MYO7B: variants seen among roughly 807,000 people sequenced by gnomAD.
The protein encoded by MYO7B is unconventional myosin-VIIb.
MYO7B carries 212 observed loss-of-function variants against 259.7 expected under a neutral mutation model. The observed-to-expected ratio is 0.82, with a 90% CI of 0.73 to 0.91. MYO7B has a LOEUF of 0.91. MYO7B is among the 40% of genes least tolerant of loss of function. The probability of loss-of-function intolerance (pLI) is 0.00; values close to 1 mark genes in which losing one functional copy is unlikely to be tolerated. For missense variants in MYO7B, 2,732 were observed against 2,813.5 expected (o/e 0.97, Z 0.66); for synonymous variants, 1,197 against 1,166.4 (o/e 1.03, Z -0.54).
chr2:127,635,034 G>T, intron 42 of MYO7B, 86 bp from the exon 43 acceptor site: 1 of 1,053,824 alleles, frequency 9.5e-7, no homozygotes, highest in Non-Finnish European at 1.4e-6. Context: ...CAGGGAGGTG[G>T]CAGGCGCAGT....
chr2:127,631,954 C>T (rs1316608108), intron 38 of MYO7B, among the ~76,000 whole-genome samples: 3 of 152,242 alleles, frequency 2.0e-5, no homozygotes, highest in African/African-American at 7.2e-5. Context: ...GAGAGGATGG[C>T]CCTGCCCACT....
At chr2:127,553,097 A>C (rs1693511078) in intron 1 of MYO7B, among the ~76,000 whole-genome samples, 1 of 152,210 alleles carries the variant, frequency 6.6e-6, no homozygotes, top group East Asian at 1.9e-4. Flanking sequence ...CCGTTGTCAA[A>C]GTCACATCCT....
chr2:127,627,393 G>C lies in MYO7B; in HGVS notation c.4460+83G>C. On this transcript the variant is annotated intron_variant, in intron 33 of 47. Transcript: ENST00000409816. This position sits in a 1 kb window ranked among gnomAD's most constrained non-coding sequence, Gnocchi z 5.6. ...GGGCTCGGGGAGAGATGGGGAGAGG[G>C]GCAGTGTGCCGTCCCGGGTAACAGG... 1 of 1,522,736 alleles carries C rather than the reference G, an allele frequency of 6.6e-7. No individual in the cohort carries two copies. Among genetic ancestry groups the C allele is most frequent in the South Asian group, 1.2e-5 (1 of 84,270 alleles). The allele number at this position is 1,522,736 out of a possible 1,614,324, so 94.3% of individuals were successfully genotyped here.
At chr2:127,544,882 G>A (rs889027317) in intron 1 of MYO7B, among the ~76,000 whole-genome samples, 25 of 147,376 alleles carry the variant, frequency 1.7e-4, no homozygotes, top group African/African-American at 5.9e-4. Flanking sequence ...GCCCGGCCAC[G>A]TCTGGCTAAT....
chr2:127,602,511 G>T (rs112367911), intron 19 of MYO7B, among the ~76,000 whole-genome samples: 8 of 151,986 alleles, frequency 5.3e-5, no homozygotes, highest in African/African-American at 1.9e-4. Flanking sequence ...AATTATCTGG[G>T]CATGGTGGTG....
Position 127,564,210 on chromosome 2 carries a change from G to C in MYO7B, c.76G>C (p.Gly26Arg). 1.3e-6 allele frequency: 2 copies of C among 1,580,838 alleles called. No homozygotes were observed. Among genetic ancestry groups the C allele is most frequent in the Non-Finnish European group, 1.7e-6 (2 of 1,163,778 alleles). The change falls in exon 3 of 48, where the codon GGC becomes CGC. Residue 26 changes from glycine to arginine, a missense_variant. Gly to Arg is a moderately radical substitution (Grantham distance 125). This residue lies in a region of MYO7B where 1,906 missense variants were observed against 2,026.4 expected (regional missense o/e 0.94). Transcript: ENST00000409816. ...STHKTGVAIG[G>R]IIKEAKPGKV... The stretch of plus-strand genomic sequence containing the variant: ...CCACAAGACCGGCGTGGCCATCGGG[G>C]GCATCATCAAAGAGGCAAAGCCAGG...
chr2:127,601,774 T>A (rs1425129105), intron 19 of MYO7B, among the ~76,000 whole-genome samples: 1 of 152,234 alleles, frequency 6.6e-6, no homozygotes, highest in Non-Finnish European at 1.5e-5. Flanking sequence ...TTGGCATACA[T>A]TAAATTCTCC....
At chr2:127,583,340 G>T (rs1258030474) in intron 12 of MYO7B, among the ~76,000 whole-genome samples, 13 of 152,248 alleles carry the variant, frequency 8.5e-5, no homozygotes, top group Non-Finnish European at 1.5e-5. Flanking sequence ...AGCACGCTGG[G>T]ATCTCAGCCC....
Position 127,586,686 on chromosome 2 carries a change from C to A in MYO7B, c.1691-1706C>A, listed in dbSNP as rs1296089374. Among the ~76,000 whole-genome samples, 2 of 152,196 alleles carry A rather than the reference C, an allele frequency of 1.3e-5. No individual in the cohort carries two copies. The highest frequency in any genetic ancestry group is 2.4e-5 in the African/African-American group (1 of 41,450). ...ATTTTTTGAAATGATAGGAAACTTA[C>A]ATAATGCTAAGATTAAGGTCGATTC... On this transcript the variant is annotated intron_variant, in intron 14 of 47. Coordinates refer to ENST00000409816, the MANE Select transcript of MYO7B (RefSeq NM_001393586.1). The surrounding 1 kb of genome is among the most constrained non-coding windows in gnomAD (Gnocchi z 4.8).
rs1351055713 is a variant in MYO7B, at chr2:127,628,173, C to T, written c.4461-199C>T. On this transcript the variant is annotated intron_variant, in intron 33 of 47. Coordinates refer to ENST00000409816, the MANE Select transcript of MYO7B (RefSeq NM_001393586.1). The surrounding 1 kb of genome is among the most constrained non-coding windows in gnomAD (Gnocchi z 4.8). ...CACACATGGGCTGCACCACTCTCAG[C>T]CTCCGAGAGGTCCTGTGCTCCGCCG... The T allele has an allele frequency of 1.4e-6, 1 of 719,448 alleles. No homozygotes were observed. Among genetic ancestry groups the T allele is most frequent in the Non-Finnish European group, 2.5e-6 (1 of 405,258 alleles). The allele number at this position is 719,448 out of a possible 1,614,324, so 44.6% of individuals were successfully genotyped here.
In MYO7B at chr2:127,585,990, A is replaced by G. The variant is rs142566709; in HGVS notation, c.1690+1077A>G. Among the ~76,000 whole-genome samples the G allele has an allele frequency of 1.3e-5, 2 of 152,130 alleles. 1 individual carries two copies. Among genetic ancestry groups the G allele is most frequent in the African/African-American group, 4.8e-5 (2 of 41,434 alleles). On this transcript the variant is annotated intron_variant, in intron 14 of 47. Transcript: ENST00000409816. The surrounding 1 kb of genome is among the most constrained non-coding windows in gnomAD (Gnocchi z 4.3). ...TACAAGTACCTAATAGGTGATTTTA[A>G]ATTTTTTTCTCATTCTGTGGATTGT...
intron 19 of MYO7B, among the ~76,000 whole-genome samples, chr2:127,604,134 A>G (rs573351284): frequency 6.6e-6 from 1 of 152,290 alleles, no homozygotes; most frequent in African/African-American, 2.4e-5. Context: ...CTCCATCTCA[A>G]AAAAAAGAAA....
In MYO7B at chr2:127,609,801, C is replaced by T; in HGVS notation, c.3025-48C>T. On this transcript the variant is annotated intron_variant, in intron 23 of 47. Coordinates refer to ENST00000409816, the MANE Select transcript of MYO7B (RefSeq NM_001393586.1). The surrounding 1 kb of genome is among the most constrained non-coding windows in gnomAD (Gnocchi z 6.9). Reference sequence around the variant, plus strand: ...TGGCTCGGGGAAAGAAGGAAGGGGCCATAGTCACTGATGGGTTCCCACTGG... The same window carrying T: ...TGGCTCGGGGAAAGAAGGAAGGGGCTATAGTCACTGATGGGTTCCCACTGG... The T allele has an allele frequency of 6.2e-7, 1 of 1,612,544 alleles. No individual in the cohort carries two copies. Among genetic ancestry groups the T allele is most frequent in the Non-Finnish European group, 8.5e-7 (1 of 1,178,740 alleles).
Position 127,539,826 on chromosome 2 carries a change from C to T in MYO7B, c.-24+3995C>T, listed in dbSNP as rs538701841. ...CCAATGTGTAGTCTTTTGTTGCTCACCCAGCTCCAGCCTTCCCCCGAAAGT... is the reference window on the plus strand; with the variant it reads ...CCAATGTGTAGTCTTTTGTTGCTCATCCAGCTCCAGCCTTCCCCCGAAAGT... On this transcript the variant is annotated intron_variant, in intron 1 of 47. Transcript: ENST00000409816. The surrounding 1 kb of genome is among the most constrained non-coding windows in gnomAD (Gnocchi z 4.0). Among the ~76,000 whole-genome samples the T allele has an allele frequency of 6.6e-6, 1 of 152,242 alleles. No homozygotes were observed. Among genetic ancestry groups the T allele is most frequent in the East Asian group, 1.9e-4 (1 of 5,204 alleles).
rs151103614 is a variant in MYO7B at position 127,558,903 on chromosome 2, G to A, written c.-23-797G>A. ...TGGGGACTCGGGGAAAGGGAGGGAA[G>A]GGGGTGAGGAATGAAAGACTACAAA... On this transcript the variant is annotated intron_variant, in intron 1 of 47. Coordinates refer to ENST00000409816, the MANE Select transcript of MYO7B (RefSeq NM_001393586.1). Among the ~76,000 whole-genome samples, 21 of 152,288 alleles carry A rather than the reference G, an allele frequency of 1.4e-4. 2 individuals carry two copies. The East Asian group carries it at 3.7e-3, about 27-fold the overall frequency.
rs752036409 is a variant in MYO7B at position 127,609,658 on chromosome 2, C to T, written c.2967C>T (p.His989=). 6.2e-7 allele frequency: 1 copy of T among 1,614,026 alleles called. No individual in the cohort carries two copies. The highest frequency in any genetic ancestry group is 8.5e-7 in the Non-Finnish European group (1 of 1,179,898). The change falls in exon 23 of 48, where the codon CAC becomes CAT. Residue 989 remains histidine, a synonymous_variant. Transcript: ENST00000409816. This position sits in a 1 kb window ranked among gnomAD's most constrained non-coding sequence, Gnocchi z 6.9. ...TYFQKSASHT[H]IRRPLRYPLL... ...TCCAGAAATCAGCCAGCCACACACACATCCGGCGGCCCCTCCGATACCCGT... is the reference window on the plus strand; with the variant it reads ...TCCAGAAATCAGCCAGCCACACACATATCCGGCGGCCCCTCCGATACCCGT...
At chr2:127,591,511 A>G (rs1249697304) in intron 16 of MYO7B, among the ~76,000 whole-genome samples, 1 of 152,194 alleles carries the variant, frequency 6.6e-6, no homozygotes, top group African/African-American at 2.4e-5. Context: ...TTTAAGTTGG[A>G]GCCAATCACC....
chr2:127,571,445 T>G (rs1486690062), intron 6 of MYO7B, among the ~76,000 whole-genome samples: 1 of 141,546 alleles, frequency 7.1e-6, no homozygotes, highest in Non-Finnish European at 1.5e-5. Flanking sequence ...CCAGTGAGTT[T>G]TTTTTTTTTT....
chr2:127,580,204 G>A lies in MYO7B; in HGVS notation c.1004-542G>A, dbSNP rs79248070. Among the ~76,000 whole-genome samples the A allele has an allele frequency of 5.6e-3, 853 of 152,230 alleles. 33 individuals carry two copies. The highest frequency in any genetic ancestry group is 0.014 in the East Asian group (72 of 5,182). On this transcript the variant is annotated intron_variant, in intron 9 of 47. Transcript: ENST00000409816. ...AAAAACAAAGACACCCAAAGGTCCC[G>A]TCCCCCACCAGCCTGGCACGTCCTA...
Sources: gnomAD v4.1 joint callset for allele counts (sites outside exome capture counted in the v4.1 genomes callset) on GRCh38, gnomAD v4.1.1 for gene constraint, gnomAD v4.1.1 regional missense constraint, Gnocchi (gnomAD v3.1) non-coding constraint, MANE v1.5 for transcripts, NCBI Gene and HGNC (gene_info 2026-07-23, HGNC 2026-07-21) for gene names.